Variants in PDLIM5 observed in about 807,000 individuals in gnomAD.
The protein encoded by PDLIM5 is PDZ and LIM domain protein 5.
In PDLIM5, 34 loss-of-function variants were observed where a neutral mutation model predicts 64.2. That is an observed-to-expected ratio of 0.53 (90% CI 0.40 to 0.71). PDLIM5 has a LOEUF of 0.71. PDLIM5 is among the 30% of genes least tolerant of loss of function. The pLI is 0.00. For synonymous variants in PDLIM5, 253 were observed against 269.1 expected, an observed-to-expected ratio of 0.94 and a Z score of 0.59; for missense variants, 683 against 733.6, an observed-to-expected ratio of 0.93 and a Z score of 0.80.
intron 2 of PDLIM5, among the ~76,000 whole-genome samples, chr4:94,493,859 A>G (rs1246472475): frequency 6.6e-6 from 1 of 152,172 alleles, no homozygotes; most frequent in Admixed American, 6.5e-5. Flanking sequence ...CACTGTATAC[A>G]TTAGATTTTG....
intron 3 of PDLIM5, among the ~76,000 whole-genome samples, chr4:94,548,852 T>A (rs772578630): frequency 1.7e-4 from 26 of 152,152 alleles, no homozygotes; most frequent in Non-Finnish European, 3.1e-4. Flanking sequence ...GCTCTTCCTC[T>A]TCTGTCTCAA....
At position 94,664,182 on chromosome 4, in the gene PDLIM5, TG is replaced by T. The variant is rs1370924548; in HGVS notation, c.*116del. ...GAGTTTTGAAAAATAATAGTGGCCC[TG>T]AAGGAATAAATTCCAGCTTTAAAAA... On this transcript the variant is annotated 3_prime_UTR_variant, in exon 13 of 13. Transcript: ENST00000317968. 1.6e-6 allele frequency: 2 copies of T among 1,256,256 alleles called. No homozygotes were observed. Among genetic ancestry groups the T allele is most frequent in the African/African-American group, 3.1e-5 (2 of 64,922 alleles). The allele number at this position is 1,256,256 out of a possible 1,614,324, so 77.8% of individuals were successfully genotyped here.
rs919231822 is a variant in PDLIM5 at position 94,583,916 on chromosome 4, A to G, written c.711-1649A>G. ...GTTCTTAAATAACCCTTTAAGATGC[A>G]AGTCTTATTTCTCAGATGAGGAAAT... is the stretch of plus-strand genomic sequence containing the variant. On this transcript the variant is annotated intron_variant, in intron 5 of 12. Coordinates refer to ENST00000317968, the MANE Select transcript of PDLIM5 (RefSeq NM_006457.5). Among the ~76,000 whole-genome samples, 53 of 152,234 alleles carry G rather than the reference A, an allele frequency of 3.5e-4. 1 individual carries two copies. Among genetic ancestry groups the G allele is most frequent in the African/African-American group, 1.3e-3 (52 of 41,456 alleles).
intron 7 of PDLIM5, chr4:94,611,335 A>G (rs1383790406): frequency 6.1e-6 from 4 of 660,236 alleles, no homozygotes; most frequent in African/African-American, 1.8e-5. Context: ...TTTTGAATGA[A>G]CTGTAATGTC....
chr4:94,520,977 A>G (rs2110128183), intron 2 of PDLIM5, among the ~76,000 whole-genome samples: 1 of 152,346 alleles, frequency 6.6e-6, no homozygotes, highest in East Asian at 1.9e-4. Context: ...AGTTCTTCCT[A>G]ATAATTGTTA....
At chr4:94,542,865 A>G (rs1255081473) in intron 3 of PDLIM5, among the ~76,000 whole-genome samples, 2 of 152,242 alleles carry the variant, frequency 1.3e-5, no homozygotes, top group Non-Finnish European at 2.9e-5. Context: ...TCCTAAAAAC[A>G]AAGTTTAATG....
At chr4:94,606,416 G>A (rs1270940454) in intron 7 of PDLIM5, among the ~76,000 whole-genome samples, 1 of 152,146 alleles carries the variant, frequency 6.6e-6, no homozygotes, top group Non-Finnish European at 1.5e-5. Flanking sequence ...ATGCCTTGGA[G>A]TTATCCCAGT....
intron 5 of PDLIM5, among the ~76,000 whole-genome samples, chr4:94,580,336 T>G (rs550603786): frequency 1.6e-4 from 25 of 152,282 alleles, no homozygotes; most frequent in African/African-American, 5.5e-4. Flanking sequence ...TTGGGACACA[T>G]CCAAGAGAAT....
At chr4:94,629,345 TAAAG>T (rs939109730) in intron 8 of PDLIM5, among the ~76,000 whole-genome samples, 16 of 151,780 alleles carry the variant, frequency 1.1e-4, no homozygotes, top group East Asian at 3.9e-4. Context: ...AAAAAAAAAA[TAAAG>T]AAAGAAAGAA....
At chr4:94,574,112 C>T (rs1051631176) in intron 4 of PDLIM5, among the ~76,000 whole-genome samples, 3 of 152,144 alleles carry the variant, frequency 2.0e-5, no homozygotes, top group African/African-American at 7.2e-5. Flanking sequence ...TGCTTCTGGT[C>T]CCAAGCTGTC....
chr4:94,633,872 C>T (rs1004807011), intron 8 of PDLIM5, among the ~76,000 whole-genome samples: 3 of 152,204 alleles, frequency 2.0e-5, no homozygotes, highest in East Asian at 1.9e-4. Context: ...ATTGATAATA[C>T]GGCCTTTGAG....
At chr4:94,628,805 G>T (rs1013217946) in intron 8 of PDLIM5, among the ~76,000 whole-genome samples, 4 of 151,990 alleles carry the variant, frequency 2.6e-5, no homozygotes, top group East Asian at 3.9e-4. Context: ...GAGCAAAATT[G>T]TACAAATTTA....
At chr4:94,634,654 G>C (rs1438084445) in intron 8 of PDLIM5, among the ~76,000 whole-genome samples, 1 of 152,160 alleles carries the variant, frequency 6.6e-6, no homozygotes, top group African/African-American at 2.4e-5. Flanking sequence ...TTCAAGTACA[G>C]TCTGGCCAGG....
chr4:94,543,778 C>CTGTGTGTGTGTG (rs60929032), intron 3 of PDLIM5, among the ~76,000 whole-genome samples: 5 of 132,050 alleles, frequency 3.8e-5, no homozygotes, highest in Admixed American at 7.9e-5. Flanking sequence ...TAGTATTCCA[C>CTGTGTGTGTGTG]TGTGTGTGTG....
rs1334490124 is a variant in PDLIM5, at chr4:94,470,878, G to GT, written c.96+15500dup. On this transcript the variant is annotated intron_variant, in intron 2 of 12. Transcript: ENST00000317968. ...AGTGGGTAATTTATAAAGGAAAGAGGTTTTTTAATTGACTCACAGTTCCAC... is the reference window on the plus strand; with the variant it reads ...AGTGGGTAATTTATAAAGGAAAGAGGTTTTTTTAATTGACTCACAGTTCCAC... 2.6e-5 allele frequency among the ~76,000 whole-genome samples: 4 copies of GT among 152,162 alleles called. No individual in the cohort carries two copies. The South Asian group carries it at 8.3e-4, about 32-fold the overall frequency.
At position 94,612,060 on chromosome 4, in the gene PDLIM5, A is replaced by T. The variant is rs375641780; in HGVS notation, c.921-5944A>T. 1.8e-3 allele frequency among the ~76,000 whole-genome samples: 267 copies of T among 152,274 alleles called. 1 individual carries two copies. Among genetic ancestry groups the T allele is most frequent in the African/African-American group, 6.2e-3 (256 of 41,564 alleles). On this transcript the variant is annotated intron_variant, in intron 7 of 12. Coordinates refer to ENST00000317968, the MANE Select transcript of PDLIM5 (RefSeq NM_006457.5). ...GTGAAACCCCATCTCTACTAAAGATACAAAAAAATTAGCCGGGTGTGGCAG... is the reference window on the plus strand; with the variant it reads ...GTGAAACCCCATCTCTACTAAAGATTCAAAAAAATTAGCCGGGTGTGGCAG...
At chr4:94,536,149 C>T (rs1731301670) in intron 3 of PDLIM5, among the ~76,000 whole-genome samples, 1 of 151,880 alleles carries the variant, frequency 6.6e-6, no homozygotes, top group African/African-American at 2.4e-5. Context: ...ATATTTTAAG[C>T]CATCTGGAGG....
chr4:94,535,202 C>T (rs1458928746), intron 3 of PDLIM5, among the ~76,000 whole-genome samples: 1 of 152,118 alleles, frequency 6.6e-6, no homozygotes, highest in Non-Finnish European at 1.5e-5. Flanking sequence ...GAAGTGAGAA[C>T]TGAGCAGTAC....
At chr4:94,573,414 C>A in intron 4 of PDLIM5, 21 bp downstream of exon 4, 1 of 1,587,016 alleles carries the variant, frequency 6.3e-7, no homozygotes, top group Non-Finnish European at 8.7e-7. Context: ...AAGCTAGCAC[C>A]CAGAGTATCA....
Sources: gnomAD v4.1 joint callset for allele counts (sites outside exome capture counted in the v4.1 genomes callset) on GRCh38, gnomAD v4.1.1 for gene constraint, MANE v1.5 for transcripts, NCBI Gene and HGNC (gene_info 2026-07-23, HGNC 2026-07-21) for gene names.